The following CD99 variants were observed in gnomAD, a reference collection of about 807,000 sequenced individuals.
The protein encoded by CD99 is CD99 antigen.
CD99 carries 19 observed loss-of-function variants against 28.4 expected under a neutral mutation model. The ratio of observed to expected loss-of-function variants is 0.67; its 90% confidence interval spans 0.47 to 0.98. CD99 has a LOEUF of 0.98. Ranked by LOEUF, CD99 falls within the 50% of genes least tolerant of loss-of-function variation. CD99 has a pLI of 0.00. For missense variants in CD99, 283 were observed against 248.8 expected (o/e 1.14, Z -0.92); for synonymous variants, 103 against 92.1 (o/e 1.12, Z -0.67).
intron 1 of CD99, among the ~76,000 whole-genome samples, chrX:2,699,127 CCTCTTCTTTTCTTTT>C (rs374403712): frequency 3.5e-4 from 52 of 148,818 alleles, no homozygotes; most frequent in African/African-American, 1.3e-3. Flanking sequence ...TCTTTTCTTT[CCTCTTCTTTTCTTTT>C]CTTTTGTTTT....
rs146394549 is a variant in CD99, at chrX:2,718,985, A to G, written c.149-676A>G. ...GTAGGTGTTGAGCGTCTGAATTTAT[A>G]CTATCATAGTCTCCTTGAGGAAGGG... On this transcript the variant is annotated intron_variant, in intron 3 of 9. Coordinates refer to ENST00000381192, the MANE Select transcript of CD99 (RefSeq NM_002414.5). 2.9e-3 allele frequency: 436 copies of G among 152,400 alleles called. 3 individuals carry two copies. The highest frequency in any genetic ancestry group is 6.8e-3 in the Middle Eastern group (2 of 294). The allele number at this position is 152,400 out of a possible 1,614,324, so 9.4% of individuals were successfully genotyped here.
In CD99 at chrX:2,736,201, C is replaced by CA. The variant is rs748847590; in HGVS notation, c.476-1983dup. Among the ~76,000 whole-genome samples the CA allele has an allele frequency of 5.6e-3, 446 of 80,222 alleles. 2 individuals carry two copies. The highest frequency in any genetic ancestry group is 0.01 in the African/African-American group (251 of 24,066). The allele number at this position is 80,222 out of a possible 152,430, so 52.6% of individuals were successfully genotyped here. A position where few individuals can be genotyped will look rare whatever the true frequency, so the allele number is the denominator to read the frequency against. ...TGGGCGACAGAGCAAGACTCTGTCTCAAAAAAAAAAAAAAAAGAAAAGAAA... is the reference window on the plus strand; with the variant it reads ...TGGGCGACAGAGCAAGACTCTGTCTCAAAAAAAAAAAAAAAAAGAAAAGAAA... On this transcript the variant is annotated intron_variant, in intron 8 of 9. Coordinates refer to ENST00000381192, the MANE Select transcript of CD99 (RefSeq NM_002414.5).
intron 2 of CD99, chrX:2,714,727 GTGCT>G: frequency 2.9e-6 from 1 of 340,806 alleles, no homozygotes. Context: ...AGTGGGGCAC[GTGCT>G]GTTGGAAAAA....
chrX:2,737,875 T>TA, intron 8 of CD99: 5 of 489,156 alleles, frequency 1.0e-5, no homozygotes, highest in South Asian at 2.1e-5. Context: ...TTTTTTTTTT[T>TA]TATAGAAAGA....
At chrX:2,738,350 C>A in intron 9 of CD99, 94 bp downstream of exon 9, 1 of 1,253,222 alleles carries the variant, frequency 8.0e-7, no homozygotes, top group Non-Finnish European at 1.2e-6. Flanking sequence ...TGCTCACATT[C>A]TCAAATTTGG....
intron 1 of CD99, chrX:2,692,102 G>A (rs1045371337): frequency 1.7e-6 from 1 of 599,696 alleles, no homozygotes; most frequent in Non-Finnish European, 3.0e-6. Context: ...AGTGGGCAGG[G>A]AAGAAAGAGC....
At chrX:2,711,378 T>C (rs949102243) in intron 1 of CD99, among the ~76,000 whole-genome samples, 1 of 148,120 alleles carries the variant, frequency 6.8e-6, no homozygotes. Flanking sequence ...AGTATGTATG[T>C]ATATAGTATG....
intron 1 of CD99, among the ~76,000 whole-genome samples, chrX:2,708,752 G>A (rs777715450): frequency 1.4e-4 from 22 of 152,276 alleles, no homozygotes; most frequent in African/African-American, 5.3e-4. Context: ...TTGTTGTCTT[G>A]GACCTCCGTC....
intron 1 of CD99, among the ~76,000 whole-genome samples, chrX:2,699,717 A>C (rs1020683519): frequency 1.3e-5 from 2 of 152,120 alleles, no homozygotes; most frequent in African/African-American, 4.8e-5. Context: ...TTGGCCTGGC[A>C]AAGTCTTGGG....
chrX:2,737,309 C>T (rs780772088), intron 8 of CD99, among the ~76,000 whole-genome samples: 1 of 151,634 alleles, frequency 6.6e-6, no homozygotes, highest in Non-Finnish European at 1.5e-5. Context: ...TCCCAAGTAG[C>T]GGGGACTACA....
At chrX:2,697,565 C>G (rs761027925) in intron 1 of CD99, among the ~76,000 whole-genome samples, 44 of 152,196 alleles carry the variant, frequency 2.9e-4, no homozygotes, top group Admixed American at 2.8e-3. Flanking sequence ...CATTGATCCA[C>G]GAGGGGATGC....
chrX:2,704,424 T>C (rs188115538), intron 1 of CD99, among the ~76,000 whole-genome samples: 12 of 151,842 alleles, frequency 7.9e-5, no homozygotes, highest in Admixed American at 6.6e-4. Flanking sequence ...TATAATCTTT[T>C]TCTTTTTTCT....
At chrX:2,733,202 A>G in intron 8 of CD99, 1 of 258,016 alleles carries the variant, frequency 3.9e-6, no homozygotes, top group Non-Finnish European at 6.0e-6. Flanking sequence ...TCCCACTCTC[A>G]CACTTTGAGC....
chrX:2,732,481 C>G (rs2049673276), intron 8 of CD99, among the ~76,000 whole-genome samples: 2 of 151,310 alleles, frequency 1.3e-5, no homozygotes, highest in Middle Eastern at 3.4e-3. Flanking sequence ...TCTTCCTTCC[C>G]TCCTCCTTTC....
Position 2,705,152 on chromosome X carries a change from C to T in CD99, c.68-9270C>T, listed in dbSNP as rs181453446. ...GGCGGCCACTATCACCCACTGCGTT[C>T]ATAGCTTTCCATGGGGTGAACAGAT... On this transcript the variant is annotated intron_variant, in intron 1 of 9. Transcript: ENST00000381192. Among the ~76,000 whole-genome samples the T allele has an allele frequency of 3.1e-3, 469 of 152,338 alleles. 6 individuals carry two copies. The highest frequency in any genetic ancestry group is 0.011 in the African/African-American group (442 of 41,578).
chrX:2,714,495 T>G, intron 2 of CD99, 41 bp downstream of exon 2: 1 of 1,505,228 alleles, frequency 6.6e-7, no homozygotes, highest in Non-Finnish European at 9.2e-7. Flanking sequence ...GTCAATATTT[T>G]ATGTTAACAT....
intron 7 of CD99, among the ~76,000 whole-genome samples, chrX:2,724,271 T>C (rs972429788): frequency 6.6e-6 from 1 of 152,210 alleles, no homozygotes; most frequent in Non-Finnish European, 1.5e-5. Context: ...GGAGGGGTAG[T>C]TAAGCTTGAA....
At chrX:2,707,287 G>A (rs1356062445) in intron 1 of CD99, among the ~76,000 whole-genome samples, 1 of 151,860 alleles carries the variant, frequency 6.6e-6, no homozygotes, top group Non-Finnish European at 1.5e-5. Context: ...TTGAGATCAT[G>A]CTACTGTACT....
intron 1 of CD99, among the ~76,000 whole-genome samples, chrX:2,709,218 C>T (rs1402301556): frequency 1.3e-5 from 2 of 152,038 alleles, no homozygotes; most frequent in Non-Finnish European, 2.9e-5. Context: ...CATGCACACT[C>T]ATGCCATGCA....
Sources: gnomAD v4.1 joint callset for allele counts (sites outside exome capture counted in the v4.1 genomes callset) on GRCh38, gnomAD v4.1.1 for gene constraint, MANE v1.5 for transcripts, NCBI Gene and HGNC (gene_info 2026-07-23, HGNC 2026-07-21) for gene names.